BABAM2: variants seen among roughly 807,000 people sequenced by gnomAD.
The protein encoded by BABAM2 is BRISC and BRCA1 A complex member 2, also known as BRISC and BRCA1-A complex member 2.
Under a neutral mutation model 54.7 loss-of-function variants are expected in BABAM2, and 31 were observed. That is an observed-to-expected ratio of 0.57 (90% CI 0.43 to 0.77). The LOEUF is 0.77. BABAM2 is among the 30% of genes least tolerant of loss of function. The pLI is 0.00. For missense variants in BABAM2, 364 were observed against 455.8 expected, an observed-to-expected ratio of 0.80 and a Z score of 1.83; for synonymous variants, 167 against 162.9, an observed-to-expected ratio of 1.03 and a Z score of -0.19.
In BABAM2 at chr2:28,204,564, A is replaced by T. The variant is rs533458540; in HGVS notation, c.681-32638A>T. Reference sequence around the variant, plus strand: ...CATACTTAGGACAAGGTCATTTCAAATGCCCAGATAAGTGCAGAGAAATCA... The same window carrying T: ...CATACTTAGGACAAGGTCATTTCAATTGCCCAGATAAGTGCAGAGAAATCA... On this transcript the variant is annotated intron_variant, in intron 7 of 11. Coordinates refer to ENST00000379624, the MANE Select transcript of BABAM2 (RefSeq NM_199191.3). Among the ~76,000 whole-genome samples the T allele has an allele frequency of 6.6e-5, 10 of 152,074 alleles. No individual in the cohort carries two copies. The South Asian group carries it at 2.1e-3, about 32-fold the overall frequency.
At chr2:28,276,883 G>A (rs1258485544) in intron 10 of BABAM2, among the ~76,000 whole-genome samples, 1 of 152,138 alleles carries the variant, frequency 6.6e-6, no homozygotes, top group Non-Finnish European at 1.5e-5. Context: ...AGTAAACCCT[G>A]CACAAAACAT....
At chr2:28,164,140 C>T (rs139540931) in intron 7 of BABAM2, among the ~76,000 whole-genome samples, 56 of 152,194 alleles carry the variant, frequency 3.7e-4, no homozygotes, top group Non-Finnish European at 7.2e-4. Context: ...TCCCCATAAA[C>T]GTGTGGTGTC....
At chr2:27,975,052 A>T (rs1346662508) in intron 3 of BABAM2, among the ~76,000 whole-genome samples, 1 of 152,100 alleles carries the variant, frequency 6.6e-6, no homozygotes, top group Non-Finnish European at 1.5e-5. Context: ...CTATATGTAG[A>T]TAAAGGAATT....
chr2:27,966,655 G>C (rs1239903193), intron 3 of BABAM2, among the ~76,000 whole-genome samples: 2 of 152,192 alleles, frequency 1.3e-5, no homozygotes, highest in Non-Finnish European at 2.9e-5. Context: ...CCCCTCATCA[G>C]CTGTAACTCT....
At chr2:27,944,335 C>T (rs896060818) in intron 3 of BABAM2, among the ~76,000 whole-genome samples, 2 of 152,142 alleles carry the variant, frequency 1.3e-5, no homozygotes, top group African/African-American at 4.8e-5. Context: ...AGATAAAGAA[C>T]ATTTCCATTC....
chr2:28,022,143 G>T (rs913392473), intron 4 of BABAM2, among the ~76,000 whole-genome samples: 2 of 150,942 alleles, frequency 1.3e-5, no homozygotes, highest in Non-Finnish European at 2.9e-5. Flanking sequence ...GTGTATTTAC[G>T]AGAGAGAAAT....
chr2:28,066,817 C>A (rs948429248), intron 6 of BABAM2, among the ~76,000 whole-genome samples: 9 of 152,212 alleles, frequency 5.9e-5, no homozygotes, highest in African/African-American at 1.9e-4. Flanking sequence ...TCTTACACTG[C>A]CACTTCCTTT....
chr2:28,028,247 G>A (rs918020166), intron 5 of BABAM2, among the ~76,000 whole-genome samples: 1 of 152,146 alleles, frequency 6.6e-6, no homozygotes, highest in African/African-American at 2.4e-5. Context: ...ACAAGATTCA[G>A]AGCAAGCAAG....
intron 10 of BABAM2, among the ~76,000 whole-genome samples, chr2:28,247,870 A>G (rs1352306725): frequency 6.6e-6 from 1 of 152,230 alleles, no homozygotes; most frequent in African/African-American, 2.4e-5. Context: ...AAGGAAAAGC[A>G]TTGCACAGAT....
At chr2:28,158,480 C>T (rs1014586091) in intron 7 of BABAM2, among the ~76,000 whole-genome samples, 2 of 152,248 alleles carry the variant, frequency 1.3e-5, no homozygotes, top group African/African-American at 4.8e-5. Flanking sequence ...GGCCCTAAAA[C>T]TACCAGCAGC....
At chr2:27,917,014 C>CTT (rs753765833) in intron 2 of BABAM2, among the ~76,000 whole-genome samples, 178 of 90,076 alleles carry the variant, frequency 2.0e-3, no homozygotes, top group East Asian at 4.2e-3. Flanking sequence ...TCACTCCAAA[C>CTT]TTTTTTTTTT....
intron 2 of BABAM2, among the ~76,000 whole-genome samples, chr2:27,929,283 T>G (rs1667931284): frequency 6.6e-6 from 1 of 152,084 alleles, no homozygotes; most frequent in African/African-American, 2.4e-5. Flanking sequence ...CCTTTTAAAT[T>G]TGCATTTTAC....
chr2:28,241,205 T>A, intron 8 of BABAM2, 118 bp from the exon 9 acceptor site: 7 of 920,536 alleles, frequency 7.6e-6, no homozygotes, highest in Non-Finnish European at 1.7e-6. Context: ...ATGTAGGTAG[T>A]GGGAATACCG....
chr2:28,017,969 T>A (rs946875269), intron 4 of BABAM2, among the ~76,000 whole-genome samples: 4 of 152,230 alleles, frequency 2.6e-5, no homozygotes, highest in African/African-American at 9.6e-5. Flanking sequence ...CTATGAACAT[T>A]TGTGTACAGG....
intron 7 of BABAM2, among the ~76,000 whole-genome samples, chr2:28,199,238 G>A (rs1226277198): frequency 1.3e-5 from 2 of 152,204 alleles, no homozygotes; most frequent in Non-Finnish European, 2.9e-5. Flanking sequence ...TGCATGCTGA[G>A]TTGACATCTT....
intron 10 of BABAM2, among the ~76,000 whole-genome samples, chr2:28,274,015 T>C (rs1380812230): frequency 6.6e-6 from 1 of 152,212 alleles, no homozygotes; most frequent in Non-Finnish European, 1.5e-5. Flanking sequence ...TCCCGTGCCT[T>C]CACCCTTGCT....
chr2:27,921,747 A>G (rs796164913), intron 2 of BABAM2, among the ~76,000 whole-genome samples: 1 of 152,190 alleles, frequency 6.6e-6, no homozygotes, highest in Admixed American at 6.5e-5. Flanking sequence ...AGCTGCTGTT[A>G]TTTGTTTATT....
intron 3 of BABAM2, among the ~76,000 whole-genome samples, chr2:27,953,693 G>A (rs1446127843): frequency 6.6e-6 from 1 of 151,854 alleles, no homozygotes; most frequent in African/African-American, 2.4e-5. Flanking sequence ...TACAGGGCTA[G>A]CTCGTAAAAG....
At chr2:28,261,222 A>G (rs937533664) in intron 10 of BABAM2, among the ~76,000 whole-genome samples, 2 of 152,058 alleles carry the variant, frequency 1.3e-5, no homozygotes, top group African/African-American at 4.8e-5. Flanking sequence ...GATTACGGGC[A>G]TGAGCCACTG....
Sources: allele counts gnomAD v4.1 joint callset (sites outside exome capture counted in the v4.1 genomes callset), GRCh38; gene constraint gnomAD v4.1.1; transcripts MANE v1.5; gene names NCBI Gene and HGNC (gene_info 2026-07-23, HGNC 2026-07-21).